The following PTPN2 variants were observed in gnomAD, a reference collection of about 807,000 sequenced individuals.
PTPN2 encodes the protein protein tyrosine phosphatase non-receptor type 2.
PTPN2 carries 19 observed loss-of-function variants against 57.3 expected under a neutral mutation model. That is an observed-to-expected ratio of 0.33 (90% CI 0.23 to 0.49). The LOEUF is 0.49. PTPN2 is among the 20% of genes least tolerant of loss of function. The pLI, the probability that PTPN2 is intolerant of heterozygous loss-of-function variation, is 0.99. For missense variants in PTPN2, 358 were observed against 501.1 expected, an observed-to-expected ratio of 0.71 and a Z score of 2.73; for synonymous variants, 153 against 164.9, an observed-to-expected ratio of 0.93 and a Z score of 0.55.
intron 3 of PTPN2, among the ~76,000 whole-genome samples, chr18:12,835,377 T>C (rs1273885479): frequency 1.0e-5 from 1 of 99,646 alleles, no homozygotes; most frequent in Non-Finnish European, 2.1e-5. Flanking sequence ...CATGATCACA[T>C]ATGTCTTTTT....
intron 8 of PTPN2, among the ~76,000 whole-genome samples, chr18:12,799,103 A>C (rs557559585): frequency 1.3e-5 from 2 of 152,200 alleles, no homozygotes; most frequent in Non-Finnish European, 2.9e-5. Flanking sequence ...ACAAGAAAGT[A>C]CTGTGTTCTA....
chr18:12,858,738 T>C (rs933095226), intron 2 of PTPN2, among the ~76,000 whole-genome samples: 2 of 152,158 alleles, frequency 1.3e-5, no homozygotes, highest in African/African-American at 4.8e-5. Flanking sequence ...TTTTCTAAGT[T>C]TTCTACAGCG....
In PTPN2 at chr18:12,793,332, A is replaced by G; in HGVS notation, c.*946T>C. ...TTCAAAACTTCAGTCTAGTAAACTG[A>G]AATTATGAATCATAAAATGCTGCTT... On this transcript the variant is annotated 3_prime_UTR_variant, in exon 9 of 9. Transcript: ENST00000309660. 1 of 976,008 alleles carries G rather than the reference A, an allele frequency of 1.0e-6. No individual in the cohort carries two copies. Among genetic ancestry groups the G allele is most frequent in the Non-Finnish European group, 1.2e-6 (1 of 820,836 alleles). 60.5% of individuals were successfully genotyped at this position (976,008 alleles called of 1,614,324 possible).
At chr18:12,840,872 T>C (rs1249723129) in intron 2 of PTPN2, 6 of 1,580,174 alleles carry the variant, frequency 3.8e-6, no homozygotes, top group Non-Finnish European at 5.1e-6. Flanking sequence ...ACCCCACTTC[T>C]GTGCCGATGC....
chr18:12,864,182 A>G (rs1412758510), intron 1 of PTPN2: 2 of 124,382 alleles, frequency 1.6e-5, no homozygotes, highest in South Asian at 3.0e-4. Flanking sequence ...TATTATTAAT[A>G]CACGCTATTT....
At chr18:12,842,390 TAAGTA>T (rs970912572) in intron 2 of PTPN2, among the ~76,000 whole-genome samples, 2 of 152,170 alleles carry the variant, frequency 1.3e-5, no homozygotes, top group East Asian at 1.9e-4. Context: ...TAAGCATAAC[TAAGTA>T]AAGTATATGA....
intron 3 of PTPN2, among the ~76,000 whole-genome samples, chr18:12,831,423 T>C (rs982736379): frequency 6.6e-6 from 1 of 152,164 alleles, no homozygotes; most frequent in Admixed American, 6.5e-5. Flanking sequence ...ATCTCCTTGC[T>C]TTTGCTGGCA....
At chr18:12,825,709 T>C (rs1477795571) in intron 5 of PTPN2, 101 bp downstream of exon 5, 7 of 1,150,396 alleles carry the variant, frequency 6.1e-6, no homozygotes, top group Non-Finnish European at 8.5e-6. Flanking sequence ...CTATAGGAAT[T>C]ATCCAAATGC....
chr18:12,883,752 A>C, intron 1 of PTPN2: 13 of 228,924 alleles, frequency 5.7e-5, no homozygotes, highest in East Asian at 8.5e-5. Flanking sequence ...AAGGACCCCC[A>C]GACCCGGGCC....
At chr18:12,806,125 G>A (rs1266798074) in intron 7 of PTPN2, among the ~76,000 whole-genome samples, 1 of 152,016 alleles carries the variant, frequency 6.6e-6, no homozygotes, top group Non-Finnish European at 1.5e-5. Flanking sequence ...AATCAGTAAA[G>A]TTGCAGGATA....
chr18:12,830,753 G>A (rs1048601426), intron 4 of PTPN2, among the ~76,000 whole-genome samples, 190 bp downstream of exon 4: 2 of 152,122 alleles, frequency 1.3e-5, no homozygotes, highest in Non-Finnish European at 2.9e-5. Flanking sequence ...TGAAAGGTCT[G>A]CAATTGTTAT....
chr18:12,881,718 C>A (rs913643696), intron 1 of PTPN2, among the ~76,000 whole-genome samples: 1 of 152,160 alleles, frequency 6.6e-6, no homozygotes, highest in Non-Finnish European at 1.5e-5. Context: ...CTCCCTCCCT[C>A]GAGAAGCTTC....
At chr18:12,802,458 C>G (rs2145251813) in intron 7 of PTPN2, among the ~76,000 whole-genome samples, 1 of 152,266 alleles carries the variant, frequency 6.6e-6, no homozygotes. Flanking sequence ...GGACCACACT[C>G]AACTATTAGT....
rs1004515604 is a variant in PTPN2, at chr18:12,793,761, G to T, written c.*517C>A. 2 of 939,272 alleles carry T rather than the reference G, an allele frequency of 2.1e-6. No individual in the cohort carries two copies. The highest frequency in any genetic ancestry group is 2.5e-6 in the Non-Finnish European group (2 of 787,254). The allele number at this position is 939,272 out of a possible 1,614,324, so 58.2% of individuals were successfully genotyped here. ...TTAAAAAGTACAGTTAACTACAAAAGATTAAATAGATACTTATAAAATATA... is the reference window on the plus strand; with the variant it reads ...TTAAAAAGTACAGTTAACTACAAAATATTAAATAGATACTTATAAAATATA... On this transcript the variant is annotated 3_prime_UTR_variant, in exon 9 of 9. Coordinates refer to ENST00000309660, the MANE Select transcript of PTPN2 (RefSeq NM_002828.4).
chr18:12,859,236 G>T lies in PTPN2; in HGVS notation c.88C>A (p.His30Asn), dbSNP rs755572904. The T allele has an allele frequency of 3.1e-6, 5 of 1,611,240 alleles. No homozygotes were observed. The East Asian group carries it at 1.1e-4, about 36-fold the overall frequency. ...TTGGCCACTCTATGAGGATAGTCATGGGACTCATTTCGAATTTCCTTAAAA... is the reference window on the plus strand; with the variant it reads ...TTGGCCACTCTATGAGGATAGTCATTGGACTCATTTCGAATTTCCTTAAAA... ...PLYLEIRNES[H>N]DYPHRVAKFP... Residue 30 changes from histidine to asparagine, a missense_variant, in exon 2 of 9, where the codon CAT becomes AAT. His to Asn is a moderately conservative substitution (Grantham distance 68). This residue lies in a region of PTPN2 where 62 missense variants were observed against 47.9 expected (regional missense o/e 1.29). Transcript: ENST00000309660.
At chr18:12,856,470 G>T (rs769654470) in intron 2 of PTPN2, among the ~76,000 whole-genome samples, 30 of 152,148 alleles carry the variant, frequency 2.0e-4, no homozygotes, top group Non-Finnish European at 3.1e-4. Flanking sequence ...GCTCCCAGCA[G>T]AGCACAGCTC....
At chr18:12,883,923 G>A in intron 1 of PTPN2, 150 bp downstream of exon 1, 1 of 583,796 alleles carries the variant, frequency 1.7e-6, no homozygotes, top group Admixed American at 3.5e-5. Flanking sequence ...GTCAGCGCAG[G>A]CGCGCCCCTG....
intron 5 of PTPN2, chr18:12,819,039 A>G (rs1286400466): frequency 9.1e-6 from 3 of 329,464 alleles, no homozygotes; most frequent in Non-Finnish European, 1.7e-5. Flanking sequence ...GGTTGTGGTG[A>G]GCCGAGATCG....
At chr18:12,807,586 A>AAAAAAAAAAAAAAAAAAATAT in intron 7 of PTPN2, among the ~76,000 whole-genome samples, 4 of 35,196 alleles carry the variant, frequency 1.1e-4, no homozygotes, top group Non-Finnish European at 1.8e-4. Flanking sequence ...AAAAAAAAAA[A>AAAAAAAAAAAAAAAAAAATAT]ATATATATAT....
Sources: gnomAD v4.1 joint callset for allele counts (sites outside exome capture counted in the v4.1 genomes callset) on GRCh38, gnomAD v4.1.1 for gene constraint, gnomAD v4.1.1 regional missense constraint, MANE v1.5 for transcripts, NCBI Gene and HGNC (gene_info 2026-07-23, HGNC 2026-07-21) for gene names.